The following CHN2 variants were observed in gnomAD, a reference collection of about 807,000 sequenced individuals.
The protein encoded by CHN2 is chimerin 2, also known as beta-chimaerin.
In CHN2, 35 loss-of-function variants were observed where a neutral mutation model predicts 56.3. The ratio of observed to expected loss-of-function variants is 0.62; its 90% confidence interval spans 0.47 to 0.82. CHN2 has a LOEUF of 0.82. Ranked by LOEUF, CHN2 falls within the 40% of genes least tolerant of loss-of-function variation. The pLI is 0.00. For missense variants in CHN2, 491 were observed against 580.5 expected, an observed-to-expected ratio of 0.85 and a Z score of 1.58; for synonymous variants, 210 against 212.8, an observed-to-expected ratio of 0.99 and a Z score of 0.12.
At chr7:29,269,430 AT>A (rs1173625092) in intron 1 of CHN2, among the ~76,000 whole-genome samples, 1 of 152,138 alleles carries the variant, frequency 6.6e-6, no homozygotes, top group Admixed American at 6.6e-5. Flanking sequence ...CGTGTACCAC[AT>A]TTTCTTTATC....
At chr7:29,151,998 GTTTTA>G (rs1793659260) in intron 2 of CHN2, among the ~76,000 whole-genome samples, 2 of 152,260 alleles carry the variant, frequency 1.3e-5, no homozygotes, top group African/African-American at 2.4e-5. Context: ...TCTTGTTTAG[GTTTTA>G]TTTTATTTTC....
intron 1 of CHN2, among the ~76,000 whole-genome samples, chr7:29,311,642 A>G (rs1024557814): frequency 6.6e-6 from 1 of 152,146 alleles, no homozygotes. Context: ...GCTGCTTCTC[A>G]TATTTCTAAG....
intron 6 of CHN2, among the ~76,000 whole-genome samples, chr7:29,444,949 G>A (rs1209531541): frequency 6.6e-6 from 1 of 152,176 alleles, no homozygotes; most frequent in African/African-American, 2.4e-5. Flanking sequence ...TACAAGAAAG[G>A]GGAAGAATCT....
intron 1 of CHN2, among the ~76,000 whole-genome samples, chr7:29,264,150 G>A (rs1032700436): frequency 4.8e-5 from 7 of 147,050 alleles, no homozygotes; most frequent in African/African-American, 1.5e-4. Flanking sequence ...CACCCCGTCT[G>A]GGAGGTGGGG....
At chr7:29,277,013 T>C (rs1791281246) in intron 1 of CHN2, among the ~76,000 whole-genome samples, 1 of 152,178 alleles carries the variant, frequency 6.6e-6, no homozygotes. Context: ...CACCATTTCT[T>C]GATTTAGTGG....
At chr7:29,459,921 A>C (rs1386958925) in intron 6 of CHN2, among the ~76,000 whole-genome samples, 1 of 152,206 alleles carries the variant, frequency 6.6e-6, no homozygotes, top group African/African-American at 2.4e-5. Context: ...GGAGGCATCG[A>C]GACAATAGAA....
At chr7:29,453,515 T>G (rs1784545320) in intron 6 of CHN2, among the ~76,000 whole-genome samples, 1 of 152,120 alleles carries the variant, frequency 6.6e-6, no homozygotes, top group South Asian at 2.1e-4. Context: ...AAGAGGAGCC[T>G]CTCCAGCTCT....
At chr7:29,264,317 C>T (rs142685612) in intron 1 of CHN2, among the ~76,000 whole-genome samples, 2,151 of 152,330 alleles carry the variant, frequency 0.014, 51 homozygotes, top group African/African-American at 0.048. Context: ...GAGGTGTACC[C>T]AACAGCTCAT....
chr7:29,311,112 A>G (rs1585029541), intron 1 of CHN2, among the ~76,000 whole-genome samples: 1 of 152,130 alleles, frequency 6.6e-6, no homozygotes, highest in Admixed American at 6.5e-5. Flanking sequence ...AGCCTTGTAG[A>G]TTCATTGTAG....
At chr7:29,351,762 A>T (rs10263592) in intron 1 of CHN2, among the ~76,000 whole-genome samples, 35,427 of 152,150 alleles carry the variant, frequency 0.23, 4,691 homozygotes, top group Non-Finnish European at 0.3. Flanking sequence ...AAAATTGTCT[A>T]CGGTGGAGTC....
rs1783089498 is a variant in CHN2, at chr7:29,434,627, A to G, written c.576+33799A>G. ...GAATCCTGTCATTGGATTAGGGCCT[A>G]TCTTAATCCAATATGACCTCATCTT... On this transcript the variant is annotated intron_variant, in intron 6 of 12. Transcript: ENST00000222792. Among the ~76,000 whole-genome samples, 4 of 152,166 alleles carry G rather than the reference A, an allele frequency of 2.6e-5. No individual in the cohort carries two copies. The South Asian group carries it at 8.3e-4, about 32-fold the overall frequency.
chr7:29,507,464 A>G (rs1790708900), intron 11 of CHN2, 99 bp downstream of exon 11: 5 of 908,640 alleles, frequency 5.5e-6, no homozygotes, highest in African/African-American at 1.7e-5. Context: ...AAATTATTGC[A>G]TTTGTGCCTG....
At chr7:29,402,338 C>G (rs1346928386) in intron 6 of CHN2, among the ~76,000 whole-genome samples, 1 of 152,166 alleles carries the variant, frequency 6.6e-6, no homozygotes, top group Non-Finnish European at 1.5e-5. Context: ...TTTATAACTC[C>G]AGTGTCTCCA....
At chr7:29,314,292 A>G (rs1794800290) in intron 1 of CHN2, among the ~76,000 whole-genome samples, 1 of 152,232 alleles carries the variant, frequency 6.6e-6, no homozygotes, top group South Asian at 2.1e-4. Context: ...GACAGTCACA[A>G]CAAACAATAT....
chr7:29,391,491 AT>A lies in CHN2; in HGVS notation c.145-2187del, dbSNP rs200184959. ...GGAATCATGTATTAGTATATATCTC[AT>A]GCAATATTTGGGACGTATTCCATGG... is the stretch of plus-strand genomic sequence containing the variant. On this transcript the variant is annotated intron_variant, in intron 3 of 12. Coordinates refer to ENST00000222792, the MANE Select transcript of CHN2 (RefSeq NM_004067.4). 3.3e-3 allele frequency among the ~76,000 whole-genome samples: 499 copies of A among 152,286 alleles called. 5 individuals are homozygous for A. The highest frequency in any genetic ancestry group is 0.011 in the African/African-American group (463 of 41,566).
At chr7:29,269,334 A>C (rs1053276986) in intron 1 of CHN2, among the ~76,000 whole-genome samples, 8 of 152,342 alleles carry the variant, frequency 5.3e-5, no homozygotes, top group African/African-American at 1.9e-4. Context: ...TATTTCACTT[A>C]ACATAATATC....
intron 4 of CHN2, 42 bp from the exon 5 acceptor site, chr7:29,398,331 G>A (rs1235323666): frequency 6.3e-6 from 9 of 1,419,934 alleles, no homozygotes; most frequent in Non-Finnish European, 7.9e-6. Flanking sequence ...TCCTTATTCT[G>A]TATGTGGTCT....
At chr7:29,385,579 G>A (rs1800852529) in intron 3 of CHN2, among the ~76,000 whole-genome samples, 2 of 152,146 alleles carry the variant, frequency 1.3e-5, no homozygotes, top group Admixed American at 6.6e-5. Flanking sequence ...AGGGGGATCT[G>A]GGAAGGTCCC....
chr7:29,456,452 G>C (rs530200067), intron 6 of CHN2, among the ~76,000 whole-genome samples: 1 of 152,278 alleles, frequency 6.6e-6, no homozygotes, highest in South Asian at 2.1e-4. Context: ...ATTCTGGATC[G>C]AGAGCAAATT....
Sources: gnomAD v4.1 joint callset for allele counts (sites outside exome capture counted in the v4.1 genomes callset) on GRCh38, gnomAD v4.1.1 for gene constraint, MANE v1.5 for transcripts, NCBI Gene and HGNC (gene_info 2026-07-23, HGNC 2026-07-21) for gene names.